Variants in KCNQ1 observed in about 807,000 individuals in gnomAD.
KCNQ1 encodes the protein potassium voltage-gated channel subfamily Q member 1.
Under a neutral mutation model 72.4 loss-of-function variants are expected in KCNQ1, and 49 were observed. The ratio of observed to expected loss-of-function variants is 0.68; its 90% CI spans 0.54 to 0.86. KCNQ1 has a LOEUF of 0.86. Ranked by LOEUF, KCNQ1 falls within the 40% of genes least tolerant of loss-of-function variation. KCNQ1 has a pLI of 0.00. For missense variants in KCNQ1, 790 were observed against 945.1 expected, an observed-to-expected ratio of 0.84 and a Z score of 2.15; for synonymous variants, 450 against 412.6, an observed-to-expected ratio of 1.09 and a Z score of -1.10.
rs563932826 is a variant in KCNQ1, at chr11:2,817,042, C to T, written c.1795-30725C>T. 2.3e-4 allele frequency among the ~76,000 whole-genome samples: 35 copies of T among 152,242 alleles called. No individual in the cohort carries two copies. Among genetic ancestry groups the T allele is most frequent in the Admixed American group, 1.6e-3 (25 of 15,302 alleles). On this transcript the variant is annotated intron_variant, in intron 15 of 15. Coordinates refer to ENST00000155840, the MANE Select transcript of KCNQ1 (RefSeq NM_000218.3). The surrounding 1 kb of genome is among the most constrained non-coding windows in gnomAD (Gnocchi z 6.1). Reference sequence around the variant, plus strand: ...CTCAGGGCAACAGAGCCCAGTGGCACTCCTGACCCCAGGAGACAGAGGGAA... The same window carrying T: ...CTCAGGGCAACAGAGCCCAGTGGCATTCCTGACCCCAGGAGACAGAGGGAA...
At chr11:2,573,420 C>T (rs1848371629) in intron 6 of KCNQ1, among the ~76,000 whole-genome samples, 1 of 152,184 alleles carries the variant, frequency 6.6e-6, no homozygotes, top group African/African-American at 2.4e-5. Flanking sequence ...TCCACACAGG[C>T]CCTGTAAGTG....
intron 10 of KCNQ1, chr11:2,629,127 A>G: frequency 2.5e-6 from 1 of 398,310 alleles, no homozygotes; most frequent in East Asian, 3.6e-5. Flanking sequence ...TATCTGTGAA[A>G]AAAAGTCACT....
At position 2,526,032 on chromosome 11, in the gene KCNQ1, G is replaced by A. The variant is rs534530673; in HGVS notation, c.387-1896G>A. Among the ~76,000 whole-genome samples, 1 of 152,338 alleles carries A rather than the reference G, an allele frequency of 6.6e-6. No homozygotes were observed. The highest frequency in any genetic ancestry group is 1.9e-4 in the East Asian group (1 of 5,178). On this transcript the variant is annotated intron_variant, in intron 1 of 15. Coordinates refer to ENST00000155840, the MANE Select transcript of KCNQ1 (RefSeq NM_000218.3). This position sits in a 1 kb window ranked among gnomAD's most constrained non-coding sequence, Gnocchi z 6.1. ...GACATCAGAGCTGGCCTCTGCCTATGAGACAGGGCCCGCTGGCAGGACCCT... is the reference window on the plus strand; with the variant it reads ...GACATCAGAGCTGGCCTCTGCCTATAAGACAGGGCCCGCTGGCAGGACCCT...
At chr11:2,823,381 T>G (rs1378985744) in intron 15 of KCNQ1, among the ~76,000 whole-genome samples, 1 of 152,192 alleles carries the variant, frequency 6.6e-6, no homozygotes, top group Non-Finnish European at 1.5e-5. Context: ...ACTTATAAAA[T>G]TTTTCCAAGT....
chr11:2,620,737 C>G lies in KCNQ1; in HGVS notation c.1393+31883C>G, dbSNP rs1317219467. 2.5e-6 allele frequency: 1 copy of G among 398,532 alleles called. No individual in the cohort carries two copies. Among genetic ancestry groups the G allele is most frequent in the Non-Finnish European group, 4.4e-6 (1 of 226,050 alleles). The allele number at this position is 398,532 out of a possible 1,614,324, so 24.7% of individuals were successfully genotyped here. ...GGGATTGCTGGGTCAGATGGTAGTT[C>G]TGTTTTCAGTTATTTGAGAAAACTC... On this transcript the variant is annotated intron_variant, in intron 10 of 15. Transcript: ENST00000155840. The surrounding 1 kb of genome is among the most constrained non-coding windows in gnomAD (Gnocchi z 4.5).
At position 2,449,309 on chromosome 11, in the gene KCNQ1, G is replaced by A. The variant is rs778989207; in HGVS notation, c.386+3825G>A. Among the ~76,000 whole-genome samples, 32 of 152,254 alleles carry A rather than the reference G, an allele frequency of 2.1e-4. 1 individual carries two copies. The highest frequency in any genetic ancestry group is 8.8e-5 in the Non-Finnish European group (6 of 68,036). ...TACAACCCTGGGGTACTGGGGGCAGGAGGGTCCCTTTTTGCTTGGCAGTTG... is the reference window on the plus strand; with the variant it reads ...TACAACCCTGGGGTACTGGGGGCAGAAGGGTCCCTTTTTGCTTGGCAGTTG... On this transcript the variant is annotated intron_variant, in intron 1 of 15. Coordinates refer to ENST00000155840, the MANE Select transcript of KCNQ1 (RefSeq NM_000218.3).
rs535061711 is a variant in KCNQ1, at chr11:2,543,690, A to G, written c.477+15672A>G. On this transcript the variant is annotated intron_variant, in intron 2 of 15. Coordinates refer to ENST00000155840, the MANE Select transcript of KCNQ1 (RefSeq NM_000218.3). This position sits in a 1 kb window ranked among gnomAD's most constrained non-coding sequence, Gnocchi z 5.6. ...TATTTAGGAAATGCTTACCAAACAC[A>G]CTCTTACTAAGATTTTCTGCTAGTA... Among the ~76,000 whole-genome samples the G allele has an allele frequency of 4.6e-5, 7 of 151,966 alleles. No homozygotes were observed. In the East Asian group the frequency reaches 1.4e-3, roughly 29 times the overall value.
chr11:2,576,918 C>T (rs78274920), intron 6 of KCNQ1, among the ~76,000 whole-genome samples: 8 of 152,320 alleles, frequency 5.3e-5, no homozygotes, highest in Middle Eastern at 3.4e-3. Context: ...CAAAGGGGAA[C>T]GAGTTCAGCT....
chr11:2,763,517 T>C (rs904701898), intron 11 of KCNQ1, among the ~76,000 whole-genome samples: 1 of 152,212 alleles, frequency 6.6e-6, no homozygotes, highest in African/African-American at 2.4e-5. Context: ...GTCAAGTTTA[T>C]GGTTATTGAT....
In KCNQ1 at chr11:2,588,616, G is replaced by T. The variant is rs897782646; in HGVS notation, c.1252-97G>T. 1.7e-5 allele frequency: 25 copies of T among 1,474,910 alleles called. No homozygotes were observed. The highest frequency in any genetic ancestry group is 1.7e-5 in the Non-Finnish European group (18 of 1,068,334). 91.4% of individuals were successfully genotyped at this position (1,474,910 alleles called of 1,614,324 possible). On this transcript the variant is annotated intron_variant, in intron 9 of 15. Coordinates refer to ENST00000155840, the MANE Select transcript of KCNQ1 (RefSeq NM_000218.3). This position sits in a 1 kb window ranked among gnomAD's most constrained non-coding sequence, Gnocchi z 5.6. Reference sequence around the variant, plus strand: ...CCCTGTCCGGGTGTATGTGGCGGGGGCTGGGCTCGGGGCGGCTGCACAGGC... The same window carrying T: ...CCCTGTCCGGGTGTATGTGGCGGGGTCTGGGCTCGGGGCGGCTGCACAGGC...
chr11:2,831,285 C>T (rs182893388), intron 15 of KCNQ1, among the ~76,000 whole-genome samples: 1 of 152,278 alleles, frequency 6.6e-6, no homozygotes, highest in East Asian at 1.9e-4. Context: ...ACAGTTGGGC[C>T]ATGAGAAGAA....
intron 11 of KCNQ1, among the ~76,000 whole-genome samples, chr11:2,741,800 G>A (rs367864762): frequency 3.3e-5 from 5 of 152,296 alleles, no homozygotes; most frequent in African/African-American, 1.2e-4. Flanking sequence ...CCTCTTCCAG[G>A]GATCCTCCGC....
At chr11:2,641,243 T>C (rs769764706) in intron 10 of KCNQ1, 10 of 398,340 alleles carry the variant, frequency 2.5e-5, no homozygotes, top group Non-Finnish European at 4.4e-5. Flanking sequence ...GAAATCAAAC[T>C]GTTTTCTATA....
chr11:2,456,101 AG>A (rs1222149809), intron 1 of KCNQ1, among the ~76,000 whole-genome samples: 2 of 152,300 alleles, frequency 1.3e-5, no homozygotes, highest in South Asian at 4.1e-4. Flanking sequence ...GCACTTTGGG[AG>A]GCCAAGGTGG....
intron 10 of KCNQ1, chr11:2,636,401 T>C (rs1052249069): frequency 3.9e-4 from 60 of 152,242 alleles, no homozygotes; most frequent in African/African-American, 1.4e-3. Context: ...TGAAGGGCTG[T>C]TGAATTTTGT....
intron 15 of KCNQ1, among the ~76,000 whole-genome samples, chr11:2,792,175 G>T (rs182916717): frequency 1.7e-3 from 254 of 152,304 alleles, no homozygotes; most frequent in Middle Eastern, 0.01. Flanking sequence ...CGGCCTCCAG[G>T]GGGTGGCCCT....
rs1369580523 is a variant in KCNQ1, at chr11:2,446,882, T to C, written c.386+1398T>C. ...CGGCTTGGGGTTTGGGAGATATTTGTGTGCAGTGACCCCAGGGGAACCCAG... is the reference window on the plus strand; with the variant it reads ...CGGCTTGGGGTTTGGGAGATATTTGCGTGCAGTGACCCCAGGGGAACCCAG... On this transcript the variant is annotated intron_variant, in intron 1 of 15. Coordinates refer to ENST00000155840, the MANE Select transcript of KCNQ1 (RefSeq NM_000218.3). This position sits in a 1 kb window ranked among gnomAD's most constrained non-coding sequence, Gnocchi z 8.8. 1.3e-5 allele frequency among the ~76,000 whole-genome samples: 2 copies of C among 152,174 alleles called. No homozygotes were observed. Among genetic ancestry groups the C allele is most frequent in the African/African-American group, 4.8e-5 (2 of 41,448 alleles).
chr11:2,682,956 C>A lies in KCNQ1; in HGVS notation c.1514+20875C>A. 1 of 398,550 alleles carries A rather than the reference C, an allele frequency of 2.5e-6. No homozygotes were observed. Among genetic ancestry groups the A allele is most frequent in the South Asian group, 1.3e-4 (1 of 7,834 alleles). 24.7% of individuals were successfully genotyped at this position (398,550 alleles called of 1,614,324 possible). A position where few individuals can be genotyped will look rare whatever the true frequency, so the allele number is the denominator to read the frequency against. ...CTGTGTGGAAGAAAGGACAGGAGTC[C>A]TTCTGCCACCCAGACTGTGCATTCA... On this transcript the variant is annotated intron_variant, in intron 11 of 15. Transcript: ENST00000155840. This position sits in a 1 kb window ranked among gnomAD's most constrained non-coding sequence, Gnocchi z 5.8.
At position 2,623,159 on chromosome 11, in the gene KCNQ1, A is replaced by G; in HGVS notation, c.1393+34305A>G. ...TTTCCCTCTCCTGTTCTGCCATGGTAAAGATGTGCCTGCTTCTCCTTTGCC... is the reference window on the plus strand; with the variant it reads ...TTTCCCTCTCCTGTTCTGCCATGGTGAAGATGTGCCTGCTTCTCCTTTGCC... On this transcript the variant is annotated intron_variant, in intron 10 of 15. Transcript: ENST00000155840. This position sits in a 1 kb window ranked among gnomAD's most constrained non-coding sequence, Gnocchi z 5.2. 2.5e-6 allele frequency: 1 copy of G among 398,702 alleles called. No homozygotes were observed. Among genetic ancestry groups the G allele is most frequent in the East Asian group, 3.6e-5 (1 of 28,080 alleles). The allele number at this position is 398,702 out of a possible 1,614,324, so 24.7% of individuals were successfully genotyped here. A position where few individuals can be genotyped will look rare whatever the true frequency, so the allele number is the denominator to read the frequency against.
Sources: gnomAD v4.1 joint callset for allele counts (sites outside exome capture counted in the v4.1 genomes callset) on GRCh38, gnomAD v4.1.1 for gene constraint, Gnocchi (gnomAD v3.1) non-coding constraint, MANE v1.5 for transcripts, NCBI Gene and HGNC (gene_info 2026-07-23, HGNC 2026-07-21) for gene names.